KHDRBS2: variants seen among roughly 807,000 people sequenced by gnomAD.
The protein encoded by KHDRBS2 is KH RNA binding domain containing, signal transduction associated 2.
Under a neutral mutation model 44.3 loss-of-function variants are expected in KHDRBS2, and 26 were observed. The ratio of observed to expected loss-of-function variants is 0.59; its 90% CI spans 0.43 to 0.81. The LOEUF is 0.81. Among genes scored for constraint, KHDRBS2 ranks in the 40% least tolerant of loss-of-function variants. The pLI, the probability that KHDRBS2 is intolerant of heterozygous loss-of-function variation, is 0.00. For synonymous variants in KHDRBS2, 194 were observed against 151.1 expected (o/e 1.28, Z -2.08); for missense variants, 476 against 433.1 (o/e 1.10, Z -0.88).
intron 2 of KHDRBS2, among the ~76,000 whole-genome samples, chr6:62,081,466 T>C (rs1797379286): frequency 3.3e-5 from 5 of 152,160 alleles, no homozygotes; most frequent in Admixed American, 3.3e-4. Context: ...TTGACAATTG[T>C]GAATGACATA....
At chr6:61,605,290 C>T in the KHDRBS2 span, among the ~76,000 whole-genome samples, 1 of 152,160 alleles carries the variant, frequency 6.6e-6, no homozygotes, top group Non-Finnish European at 1.5e-5. Flanking sequence ...TCACCATTCT[C>T]AACTATTCAT....
At chr6:62,116,249 T>C (rs1746765696) in intron 2 of KHDRBS2, among the ~76,000 whole-genome samples, 2 of 152,184 alleles carry the variant, frequency 1.3e-5, no homozygotes, top group Middle Eastern at 3.4e-3. Flanking sequence ...ATAAAATACA[T>C]TATTATTAAC....
chr6:61,602,318 C>T, the KHDRBS2 span, among the ~76,000 whole-genome samples: 7 of 152,274 alleles, frequency 4.6e-5, no homozygotes, highest in Admixed American at 1.3e-4. Context: ...CTTCCAAAGG[C>T]TTGAACCGCA....
At chr6:61,723,761 C>A (rs1283922349) in intron 7 of KHDRBS2, among the ~76,000 whole-genome samples, 1 of 151,602 alleles carries the variant, frequency 6.6e-6, no homozygotes, top group African/African-American at 2.4e-5. Context: ...GATAGGCATA[C>A]AAGAATAGAG....
At chr6:61,743,720 T>C (rs573988239) in intron 6 of KHDRBS2, among the ~76,000 whole-genome samples, 2 of 151,952 alleles carry the variant, frequency 1.3e-5, no homozygotes, top group East Asian at 3.9e-4. Flanking sequence ...CATGTTGGTG[T>C]GCTGCACCCA....
chr6:61,604,727 C>A, the KHDRBS2 span, among the ~76,000 whole-genome samples: 1 of 152,110 alleles, frequency 6.6e-6, no homozygotes, highest in Non-Finnish European at 1.5e-5. Context: ...CCAGGGCTGG[C>A]AAATTGACTT....
intron 7 of KHDRBS2, among the ~76,000 whole-genome samples, chr6:61,705,179 C>T (rs1033177773): frequency 6.6e-6 from 1 of 151,754 alleles, no homozygotes; most frequent in Non-Finnish European, 1.5e-5. Flanking sequence ...ATTTTAATAA[C>T]ATCTGCAGTG....
intron 4 of KHDRBS2, among the ~76,000 whole-genome samples, chr6:61,969,008 A>T (rs1200952880): frequency 6.6e-6 from 1 of 152,052 alleles, no homozygotes; most frequent in African/African-American, 2.4e-5. Flanking sequence ...ATTGCCTTAG[A>T]AACCTGTTAA....
chr6:61,548,444 C>A, the KHDRBS2 span, among the ~76,000 whole-genome samples: 2 of 152,024 alleles, frequency 1.3e-5, no homozygotes, highest in Non-Finnish European at 2.9e-5. Flanking sequence ...AGGATGAGGC[C>A]TGAGAGTCTG....
At chr6:61,899,386 T>C (rs1409586293) in intron 5 of KHDRBS2, among the ~76,000 whole-genome samples, 1 of 151,924 alleles carries the variant, frequency 6.6e-6, no homozygotes, top group Non-Finnish European at 1.5e-5. Flanking sequence ...ACTAATGATA[T>C]CAGTACAGCA....
At chr6:61,881,533 A>G (rs568743817) in intron 6 of KHDRBS2, among the ~76,000 whole-genome samples, 1 of 152,068 alleles carries the variant, frequency 6.6e-6, no homozygotes, top group East Asian at 1.9e-4. Context: ...GAGAAAATTC[A>G]ACATCTCGAC....
At chr6:61,954,329 A>G (rs1693202221) in intron 4 of KHDRBS2, among the ~76,000 whole-genome samples, 1 of 150,924 alleles carries the variant, frequency 6.6e-6, no homozygotes, top group African/African-American at 2.4e-5. Context: ...ATATATACAT[A>G]TATGTATAGA....
intron 2 of KHDRBS2, among the ~76,000 whole-genome samples, chr6:62,065,547 A>AC (rs1193533334): frequency 2.0e-5 from 3 of 147,292 alleles, no homozygotes; most frequent in Non-Finnish European, 3.0e-5. Flanking sequence ...AAAACCAAAC[A>AC]CCGCATATTC....
chr6:61,907,419 A>G (rs1805236766), intron 4 of KHDRBS2, among the ~76,000 whole-genome samples: 1 of 151,950 alleles, frequency 6.6e-6, no homozygotes. Context: ...CTGTGATCTC[A>G]TTTATCCATT....
intron 6 of KHDRBS2, among the ~76,000 whole-genome samples, chr6:61,857,458 T>A (rs1796308416): frequency 6.6e-6 from 1 of 151,976 alleles, no homozygotes; most frequent in South Asian, 2.1e-4. Context: ...GGAAATTTTT[T>A]TTTTCAAATC....
chr6:62,047,191 C>A (rs1238192159), intron 3 of KHDRBS2, among the ~76,000 whole-genome samples: 1 of 151,872 alleles, frequency 6.6e-6, no homozygotes, highest in African/African-American at 2.4e-5. Flanking sequence ...CGCAGTGAAT[C>A]CTCAAAGATC....
chr6:62,052,965 C>G (rs1183044499), intron 2 of KHDRBS2, among the ~76,000 whole-genome samples: 1 of 151,902 alleles, frequency 6.6e-6, no homozygotes, highest in Non-Finnish European at 1.5e-5. Flanking sequence ...ATTTGGATTT[C>G]ATCCTAAGTA....
chr6:61,841,034 G>GTCTATA (rs1793520187), intron 6 of KHDRBS2, among the ~76,000 whole-genome samples: 1 of 151,924 alleles, frequency 6.6e-6, no homozygotes, highest in South Asian at 2.1e-4. Flanking sequence ...AGTCTATAGT[G>GTCTATA]GCCCTTACAA....
At chr6:62,034,821 C>G (rs997189733) in intron 3 of KHDRBS2, among the ~76,000 whole-genome samples, 1 of 150,972 alleles carries the variant, frequency 6.6e-6, no homozygotes, top group Non-Finnish European at 1.5e-5. Context: ...TAAAAATGTC[C>G]AAAAGATCAG....
Sources: allele counts gnomAD v4.1 joint callset (sites outside exome capture counted in the v4.1 genomes callset), GRCh38; gene constraint gnomAD v4.1.1; transcripts MANE v1.5; gene names NCBI Gene and HGNC (gene_info 2026-07-23, HGNC 2026-07-21).